PPM1D: variants seen among roughly 807,000 people sequenced by gnomAD.
PPM1D encodes protein phosphatase, Mg2+/Mn2+ dependent 1D, also known as protein phosphatase 1D.
In PPM1D, 52 loss-of-function variants were observed where a neutral mutation model predicts 58.3. That is an observed-to-expected ratio of 0.89 (90% CI 0.71 to 1.12). PPM1D has a LOEUF of 1.12. Among genes scored for constraint, PPM1D ranks in the 50% most tolerant of loss-of-function variants. The pLI is 0.00. For missense variants in PPM1D, 564 were observed against 777.2 expected (o/e 0.73, Z 3.26); for synonymous variants, 278 against 285.1 (o/e 0.98, Z 0.25).
At chr17:60,653,774 T>A (rs2031385558) in intron 4 of PPM1D, among the ~76,000 whole-genome samples, 1 of 152,196 alleles carries the variant, frequency 6.6e-6, no homozygotes, top group South Asian at 2.1e-4. Context: ...TACTAGGCAT[T>A]TTATAATTTG....
At chr17:60,660,513 C>T (rs779952508) in intron 5 of PPM1D, among the ~76,000 whole-genome samples, 2 of 151,696 alleles carry the variant, frequency 1.3e-5, no homozygotes, top group South Asian at 2.1e-4. Flanking sequence ...ATTTTAGAAA[C>T]GAGTTTCTGG....
At chr17:60,639,051 C>T (rs2143685340) in intron 3 of PPM1D, among the ~76,000 whole-genome samples, 1 of 152,218 alleles carries the variant, frequency 6.6e-6, no homozygotes, top group Non-Finnish European at 1.5e-5. Flanking sequence ...TCTTTGCCCT[C>T]ATGGAGCTTG....
chr17:60,656,468 GA>G, intron 4 of PPM1D, 130 bp from the exon 5 acceptor site: 1 of 1,246,078 alleles, frequency 8.0e-7, no homozygotes. Flanking sequence ...AAAAAAAAGA[GA>G]AAAGAAAAAA....
At chr17:60,618,955 T>C (rs2030640446) in intron 1 of PPM1D, among the ~76,000 whole-genome samples, 1 of 152,190 alleles carries the variant, frequency 6.6e-6, no homozygotes, top group African/African-American at 2.4e-5. Context: ...AACAGTATTA[T>C]TAACTATACT....
At position 60,603,234 on chromosome 17, in the gene PPM1D, C is replaced by G. The variant is rs201481603; in HGVS notation, c.472+2348C>G. On this transcript the variant is annotated intron_variant, in intron 1 of 5. Transcript: ENST00000305921. Reference sequence around the variant, plus strand: ...TAATAGTTCTCAAACTTTTTGCTCTCAGAACCCTTTATATGCTTATTGAGG... The same window carrying G: ...TAATAGTTCTCAAACTTTTTGCTCTGAGAACCCTTTATATGCTTATTGAGG... 5.1e-4 allele frequency among the ~76,000 whole-genome samples: 78 copies of G among 152,208 alleles called. No homozygotes were observed. The East Asian group carries it at 0.014, about 26-fold the overall frequency.
At chr17:60,636,510 C>T (rs1371571301) in intron 3 of PPM1D, among the ~76,000 whole-genome samples, 4 of 152,032 alleles carry the variant, frequency 2.6e-5, no homozygotes, top group African/African-American at 9.7e-5. Context: ...AAAAATAAAG[C>T]AGGGAATGCT....
intron 2 of PPM1D, among the ~76,000 whole-genome samples, chr17:60,624,887 C>G: frequency 6.6e-6 from 1 of 152,048 alleles, no homozygotes; most frequent in Non-Finnish European, 1.5e-5. Flanking sequence ...CGTCTGTAAT[C>G]CTAGCACTTT....
At chr17:60,610,229 A>G (rs1451567502) in intron 1 of PPM1D, among the ~76,000 whole-genome samples, 1 of 151,922 alleles carries the variant, frequency 6.6e-6, no homozygotes, top group Non-Finnish European at 1.5e-5. Flanking sequence ...AACATAGTGT[A>G]TATAGGATTT....
intron 1 of PPM1D, among the ~76,000 whole-genome samples, chr17:60,612,008 G>GACTACATGTGTC (rs1297932669): frequency 1.3e-5 from 2 of 151,244 alleles, no homozygotes; most frequent in African/African-American, 4.9e-5. Context: ...TGTAGCCACT[G>GACTACATGTGTC]ACTACATGTA....
At chr17:60,606,278 G>A (rs1350710647) in intron 1 of PPM1D, among the ~76,000 whole-genome samples, 2 of 152,178 alleles carry the variant, frequency 1.3e-5, no homozygotes, top group African/African-American at 4.8e-5. Flanking sequence ...GCCACATTGT[G>A]TTTATCCAGT....
intron 3 of PPM1D, among the ~76,000 whole-genome samples, chr17:60,638,400 ACT>A (rs2031067209): frequency 1.3e-5 from 2 of 151,504 alleles, no homozygotes; most frequent in Non-Finnish European, 2.9e-5. Context: ...ATGGAATCTC[ACT>A]CTGTTGCCCA....
chr17:60,655,105 G>T (rs2031412932), intron 4 of PPM1D, among the ~76,000 whole-genome samples: 1 of 151,990 alleles, frequency 6.6e-6, no homozygotes, highest in African/African-American at 2.4e-5. Context: ...AGCAGTTATT[G>T]TATTACTTTT....
At chr17:60,645,250 A>C (rs1390987338) in intron 3 of PPM1D, among the ~76,000 whole-genome samples, 1 of 151,900 alleles carries the variant, frequency 6.6e-6, no homozygotes, top group East Asian at 1.9e-4. Flanking sequence ...GCTACTCGGG[A>C]GGCTGAGGCA....
chr17:60,651,532 G>C (rs1173848671), intron 4 of PPM1D, among the ~76,000 whole-genome samples: 1 of 151,768 alleles, frequency 6.6e-6, no homozygotes, highest in East Asian at 1.9e-4. Flanking sequence ...CGAGTAGCTG[G>C]GACTACAGGC....
chr17:60,652,550 GTT>G (rs776162517), intron 4 of PPM1D, among the ~76,000 whole-genome samples: 792 of 67,574 alleles, frequency 0.012, no homozygotes, highest in African/African-American at 0.044. Flanking sequence ...GTTTACTTCT[GTT>G]TTTTTTTTTT....
At chr17:60,623,896 T>C (rs2030753421) in intron 2 of PPM1D, 147 bp downstream of exon 2, 1 of 717,334 alleles carries the variant, frequency 1.4e-6, no homozygotes, top group Non-Finnish European at 2.2e-6. Context: ...GTAATACTCA[T>C]GTATGTATGT....
Position 60,600,735 on chromosome 17 carries a change from C to T in PPM1D, c.321C>T (p.His107=), listed in dbSNP as rs761108036. Residue 107 remains histidine, a synonymous_variant, in exon 1 of 6, where the codon CAC becomes CAT. Transcript: ENST00000305921. The part of the protein sequence containing the change: ...SVAFFAVCDG[H]GGREAAQFAR... ...CCTTTTTCGCCGTGTGCGACGGGCA[C>T]GGCGGGCGGGAGGCGGCACAGTTTG... The T allele has an allele frequency of 1.3e-5, 21 of 1,610,430 alleles. No homozygotes were observed. Among genetic ancestry groups the T allele is most frequent in the Middle Eastern group, 1.6e-4 (1 of 6,070 alleles).
intron 3 of PPM1D, among the ~76,000 whole-genome samples, chr17:60,638,371 A>AT (rs879709638): frequency 3.9e-4 from 58 of 146,894 alleles, no homozygotes; most frequent in South Asian, 6.4e-4. Flanking sequence ...ACTTGGAAAA[A>AT]TTTTTTTTTT....
chr17:60,609,196 C>T (rs1049380242), intron 1 of PPM1D, among the ~76,000 whole-genome samples: 1 of 152,024 alleles, frequency 6.6e-6, no homozygotes, highest in Non-Finnish European at 1.5e-5. Flanking sequence ...TGGATTCAAG[C>T]GATTCTCCTA....
Sources: allele counts gnomAD v4.1 joint callset (sites outside exome capture counted in the v4.1 genomes callset), GRCh38; gene constraint gnomAD v4.1.1; transcripts MANE v1.5; gene names NCBI Gene and HGNC (gene_info 2026-07-23, HGNC 2026-07-21).